Variants in GRIA1 observed in about 807,000 individuals in gnomAD.
GRIA1 encodes glutamate ionotropic receptor AMPA type subunit 1, also known as glutamate receptor 1.
A neutral mutation model predicts 99.2 loss-of-function variants in GRIA1; 31 were observed. The ratio of observed to expected loss-of-function variants is 0.31; its 90% CI spans 0.23 to 0.42. The LOEUF (loss-of-function observed/expected upper bound fraction) is 0.42, where lower values mean the gene tolerates loss of function less well. GRIA1 is among the 10% of genes least tolerant of loss of function. GRIA1 has a pLI of 1.00. For synonymous variants in GRIA1, 438 were observed against 432.4 expected, an observed-to-expected ratio of 1.01 and a Z score of -0.16; for missense variants, 782 against 1,157.5, an observed-to-expected ratio of 0.68 and a Z score of 4.71.
chr5:153,506,581 A>T (rs535947122), intron 2 of GRIA1, among the ~76,000 whole-genome samples: 1 of 152,316 alleles, frequency 6.6e-6, no homozygotes, highest in Non-Finnish European at 1.5e-5. Flanking sequence ...GATAAGCTCC[A>T]GCATCCCTAA....
chr5:153,675,859 AT>A (rs11409143), intron 6 of GRIA1, among the ~76,000 whole-genome samples: 19,804 of 145,580 alleles, frequency 0.14, 1,339 homozygotes, highest in South Asian at 0.2. Context: ...ATGTAATTTA[AT>A]TTTTTTTTTT....
At chr5:153,608,121 G>A (rs548776190) in intron 2 of GRIA1, among the ~76,000 whole-genome samples, 3 of 152,246 alleles carry the variant, frequency 2.0e-5, no homozygotes, top group African/African-American at 7.2e-5. Flanking sequence ...TCAGCTGTCT[G>A]CTTTATTGTT....
At chr5:153,717,031 T>G (rs1759712604) in intron 11 of GRIA1, among the ~76,000 whole-genome samples, 1 of 152,098 alleles carries the variant, frequency 6.6e-6, no homozygotes, top group African/African-American at 2.4e-5. Flanking sequence ...TTGAGGAGGA[T>G]GAACAATAAT....
At chr5:153,596,208 G>A (rs2149391631) in intron 2 of GRIA1, among the ~76,000 whole-genome samples, 1 of 152,266 alleles carries the variant, frequency 6.6e-6, no homozygotes, top group Non-Finnish European at 1.5e-5. Flanking sequence ...TAACCACACA[G>A]GGTATAACAA....
At chr5:153,539,903 C>G (rs897488668) in intron 2 of GRIA1, among the ~76,000 whole-genome samples, 1 of 152,192 alleles carries the variant, frequency 6.6e-6, no homozygotes, top group South Asian at 2.1e-4. Flanking sequence ...ACAGTGTAAG[C>G]TTGCGCTCAG....
intron 2 of GRIA1, among the ~76,000 whole-genome samples, chr5:153,638,854 G>T (rs1753580870): frequency 1.3e-5 from 2 of 152,222 alleles, no homozygotes; most frequent in South Asian, 4.1e-4. Context: ...GAGTAGGGAG[G>T]TGTAAGGGTC....
At chr5:153,783,308 A>G (rs1302447079) in intron 13 of GRIA1, among the ~76,000 whole-genome samples, 1 of 152,046 alleles carries the variant, frequency 6.6e-6, no homozygotes, top group Non-Finnish European at 1.5e-5. Context: ...GGGGACCTTC[A>G]TTCATTCCCT....
chr5:153,581,406 G>GC, intron 2 of GRIA1, among the ~76,000 whole-genome samples: 1 of 152,190 alleles, frequency 6.6e-6, no homozygotes, highest in African/African-American at 2.4e-5. Context: ...CTCACACACA[G>GC]CTCCCCTTGC....
At chr5:153,537,680 G>A (rs1312113499) in intron 2 of GRIA1, among the ~76,000 whole-genome samples, 1 of 152,188 alleles carries the variant, frequency 6.6e-6, no homozygotes, top group African/African-American at 2.4e-5. Flanking sequence ...AGGGTCTCCA[G>A]TGGCTTCAAG....
At chr5:153,691,428 G>A (rs1757743990) in intron 8 of GRIA1, among the ~76,000 whole-genome samples, 1 of 152,124 alleles carries the variant, frequency 6.6e-6, no homozygotes, top group Non-Finnish European at 1.5e-5. Context: ...AGACTGGGTG[G>A]AGGAATCTAC....
intron 11 of GRIA1, among the ~76,000 whole-genome samples, chr5:153,722,141 C>T (rs1383096139): frequency 2.6e-5 from 4 of 152,304 alleles, no homozygotes; most frequent in African/African-American, 9.6e-5. Context: ...TTGTAAGTCT[C>T]TTGGTCACTT....
At chr5:153,686,611 T>G (rs1437205666) in intron 8 of GRIA1, among the ~76,000 whole-genome samples, 1 of 152,244 alleles carries the variant, frequency 6.6e-6, no homozygotes, top group South Asian at 2.1e-4. Flanking sequence ...AAAGCACTTC[T>G]AAAACATAAA....
chr5:153,650,585 T>A, intron 4 of GRIA1, 71 bp downstream of exon 4: 8 of 1,462,058 alleles, frequency 5.5e-6, no homozygotes, highest in Non-Finnish European at 7.5e-6. Flanking sequence ...CACTTTTGCC[T>A]TGGGTGTTAT....
At chr5:153,723,357 G>T (rs958488108) in intron 11 of GRIA1, among the ~76,000 whole-genome samples, 6 of 152,202 alleles carry the variant, frequency 3.9e-5, no homozygotes, top group African/African-American at 1.2e-4. Flanking sequence ...TGAGGTACCA[G>T]GTTCATCTCA....
chr5:153,519,028 G>A (rs1756886162), intron 2 of GRIA1, among the ~76,000 whole-genome samples: 1 of 152,176 alleles, frequency 6.6e-6, no homozygotes, highest in Admixed American at 6.5e-5. Flanking sequence ...ACTTTGGGAG[G>A]CCGAGGTGGG....
intron 2 of GRIA1, among the ~76,000 whole-genome samples, chr5:153,496,974 G>T (rs1299125861): frequency 6.6e-6 from 1 of 152,094 alleles, no homozygotes; most frequent in Non-Finnish European, 1.5e-5. Context: ...AGAAGGGAAG[G>T]GAGAGGAAGT....
intron 13 of GRIA1, among the ~76,000 whole-genome samples, chr5:153,777,253 G>A (rs138026903): frequency 3.3e-5 from 5 of 152,286 alleles, no homozygotes; most frequent in African/African-American, 1.2e-4. Flanking sequence ...GAGGCGATGT[G>A]CTAGTGGTCT....
chr5:153,533,620 A>G (rs1452631496), intron 2 of GRIA1, among the ~76,000 whole-genome samples: 1 of 152,192 alleles, frequency 6.6e-6, no homozygotes, highest in African/African-American at 2.4e-5. Context: ...AGGTGATGGA[A>G]GCATCAGGTT....
intron 2 of GRIA1, among the ~76,000 whole-genome samples, chr5:153,572,862 G>A (rs149855970): frequency 3.3e-5 from 5 of 152,186 alleles, no homozygotes; most frequent in Non-Finnish European, 5.9e-5. Flanking sequence ...TAGGCTGAGC[G>A]CATTCTATTG....
Sources: gnomAD v4.1 joint callset for allele counts (sites outside exome capture counted in the v4.1 genomes callset) on GRCh38, gnomAD v4.1.1 for gene constraint, MANE v1.5 for transcripts, NCBI Gene and HGNC (gene_info 2026-07-23, HGNC 2026-07-21) for gene names.